The following CADM2 variants were observed in gnomAD, a reference collection of about 807,000 sequenced individuals.
CADM2 encodes immunoglobulin superfamily member 4D.
In CADM2, 12 loss-of-function variants were observed where a neutral mutation model predicts 49.8. The ratio of observed to expected loss-of-function variants is 0.24; its 90% CI spans 0.15 to 0.39. The LOEUF is 0.39. Ranked by LOEUF, CADM2 falls within the 10% of genes least tolerant of loss-of-function variation. CADM2 has a pLI of 1.00. For synonymous variants in CADM2, 214 were observed against 175.4 expected (o/e 1.22, Z -1.74); for missense variants, 378 against 492.3 (o/e 0.77, Z 2.20).
intron 1 of CADM2, among the ~76,000 whole-genome samples, chr3:85,666,958 G>A (rs932315508): frequency 8.6e-5 from 13 of 151,902 alleles, no homozygotes; most frequent in South Asian, 8.3e-4. Flanking sequence ...ATATTTTTCC[G>A]TGAAGATTTT....
rs754032848 is a variant in CADM2 at position 85,122,673 on chromosome 3, G to A, written c.61+163005G>A. On this transcript the variant is annotated intron_variant, in intron 1 of 9. Transcript: ENST00000383699. ...ACATATATATGTTTATTTATTTATA[G>A]CCAAACATACCTACTTTGAATTTTT... Among the ~76,000 whole-genome samples, 42 of 151,732 alleles carry A rather than the reference G, an allele frequency of 2.8e-4. 1 individual carries two copies. Among genetic ancestry groups the A allele is most frequent in the Non-Finnish European group, 4.3e-4 (29 of 67,910 alleles).
At chr3:85,230,007 A>G (rs2042251633) in intron 1 of CADM2, among the ~76,000 whole-genome samples, 1 of 152,074 alleles carries the variant, frequency 6.6e-6, no homozygotes, top group South Asian at 2.1e-4. Context: ...GTCTCAGGAT[A>G]AAATGTCCTT....
At chr3:85,326,448 A>G (rs1364610037) in intron 1 of CADM2, among the ~76,000 whole-genome samples, 2 of 152,152 alleles carry the variant, frequency 1.3e-5, no homozygotes, top group African/African-American at 4.8e-5. Context: ...TTCTCTTAGG[A>G]AATATGATAA....
intron 1 of CADM2, among the ~76,000 whole-genome samples, chr3:85,326,588 C>G (rs1358471960): frequency 6.6e-6 from 1 of 151,932 alleles, no homozygotes; most frequent in Non-Finnish European, 1.5e-5. Flanking sequence ...AATAAATTTA[C>G]TATAATCAAT....
rs2030162163 is a variant in CADM2 at position 84,958,991 on chromosome 3, A to G, written c.-617A>G. On this transcript the variant is annotated 5_prime_UTR_variant, in exon 1 of 10. Transcript: ENST00000383699. Reference sequence around the variant, plus strand: ...CTTGCCCTTGTGTCTGGTGCTTCGTAGAGCTGCCGCCGTCGCCGCTGCCGC... The same window carrying G: ...CTTGCCCTTGTGTCTGGTGCTTCGTGGAGCTGCCGCCGTCGCCGCTGCCGC... 1 of 194,894 alleles carries G rather than the reference A, an allele frequency of 5.1e-6. No individual in the cohort carries two copies. The highest frequency in any genetic ancestry group is 1.0e-5 in the Non-Finnish European group (1 of 96,576). 12.1% of individuals were successfully genotyped at this position (194,894 alleles called of 1,614,324 possible). A position where few individuals can be genotyped will look rare whatever the true frequency, so the allele number is the denominator to read the frequency against.
chr3:85,900,572 A>C (rs1375720291), intron 5 of CADM2, among the ~76,000 whole-genome samples: 1 of 152,134 alleles, frequency 6.6e-6, no homozygotes, highest in African/African-American at 2.4e-5. Context: ...AGTGTCAAGG[A>C]ATTGACCAAA....
intron 1 of CADM2, among the ~76,000 whole-genome samples, chr3:85,678,745 A>G (rs1464324762): frequency 6.6e-6 from 1 of 152,178 alleles, no homozygotes; most frequent in Non-Finnish European, 1.5e-5. Flanking sequence ...GATGACTCAT[A>G]TCAGTTTATT....
chr3:86,044,983 C>G (rs940763246), intron 8 of CADM2, among the ~76,000 whole-genome samples: 4 of 150,090 alleles, frequency 2.7e-5, no homozygotes, highest in Non-Finnish European at 2.9e-5. Flanking sequence ...ACTGCATGTT[C>G]TCACTCATAG....
chr3:85,270,893 T>G (rs370462570), intron 1 of CADM2, among the ~76,000 whole-genome samples: 15 of 151,496 alleles, frequency 9.9e-5, no homozygotes, highest in African/African-American at 3.4e-4. Context: ...TGAAGCATAT[T>G]TCTTCAATGA....
intron 1 of CADM2, among the ~76,000 whole-genome samples, chr3:85,231,375 T>A (rs1237867095): frequency 6.6e-6 from 1 of 152,006 alleles, no homozygotes; most frequent in Non-Finnish European, 1.5e-5. Flanking sequence ...TTTTTCTAAG[T>A]TTCAAAGAGC....
chr3:86,064,838 T>G (rs1739124665), intron 8 of CADM2, among the ~76,000 whole-genome samples: 1 of 152,202 alleles, frequency 6.6e-6, no homozygotes, highest in Admixed American at 6.5e-5. Context: ...AGTATATTAT[T>G]AATTTGTCTC....
chr3:85,827,125 CT>C (rs1269985551), intron 3 of CADM2, among the ~76,000 whole-genome samples: 2 of 151,718 alleles, frequency 1.3e-5, no homozygotes, highest in Non-Finnish European at 2.9e-5. Flanking sequence ...TTTCAATGAC[CT>C]TAAAGAGAGG....
intron 1 of CADM2, among the ~76,000 whole-genome samples, chr3:85,516,028 T>C (rs2060894367): frequency 6.6e-6 from 1 of 152,186 alleles, no homozygotes. Flanking sequence ...AACAAGTGAT[T>C]AAGCATTTTA....
intron 2 of CADM2, among the ~76,000 whole-genome samples, chr3:85,783,585 G>GAGCT (rs1162463111): frequency 6.6e-6 from 1 of 152,066 alleles, no homozygotes; most frequent in African/African-American, 2.4e-5. Context: ...CTGTGTCCTG[G>GAGCT]AGCTACACAA....
intron 3 of CADM2, among the ~76,000 whole-genome samples, chr3:85,876,082 G>A (rs1226235558): frequency 2.6e-5 from 4 of 152,134 alleles, no homozygotes; most frequent in Non-Finnish European, 5.9e-5. Context: ...ATGGATTTAA[G>A]TTAGGAAATG....
At chr3:85,590,557 C>G (rs2063077302) in intron 1 of CADM2, among the ~76,000 whole-genome samples, 1 of 151,704 alleles carries the variant, frequency 6.6e-6, no homozygotes, top group Non-Finnish European at 1.5e-5. Flanking sequence ...GGTACTGTGA[C>G]AGTAAGAAAA....
chr3:85,471,719 T>C (rs1037227109), intron 1 of CADM2, among the ~76,000 whole-genome samples: 4 of 151,170 alleles, frequency 2.6e-5, no homozygotes, highest in Admixed American at 2.6e-4. Context: ...TTTTATTTTA[T>C]TTTATTATAC....
chr3:86,016,931 T>A (rs982011438), intron 8 of CADM2, among the ~76,000 whole-genome samples: 1 of 152,068 alleles, frequency 6.6e-6, no homozygotes, highest in Non-Finnish European at 1.5e-5. Flanking sequence ...CTGATTTTTT[T>A]AAAAATCTGA....
chr3:85,735,007 T>C (rs2068078600), intron 2 of CADM2, among the ~76,000 whole-genome samples: 1 of 151,744 alleles, frequency 6.6e-6, no homozygotes, highest in African/African-American at 2.4e-5. Flanking sequence ...TGTATGTGTG[T>C]GTGTTGTGAA....
Sources: allele counts gnomAD v4.1 joint callset (sites outside exome capture counted in the v4.1 genomes callset), GRCh38; gene constraint gnomAD v4.1.1; transcripts MANE v1.5; gene names NCBI Gene and HGNC (gene_info 2026-07-23, HGNC 2026-07-21).